C3: variants seen among roughly 807,000 people sequenced by gnomAD.
C3 encodes the protein complement C3.
In C3, 97 loss-of-function variants were observed where a neutral mutation model predicts 207.9. The ratio of observed to expected loss-of-function variants is 0.47; its 90% CI spans 0.40 to 0.55. The LOEUF (loss-of-function observed/expected upper bound fraction) is 0.55. Ranked by LOEUF, C3 falls within the 20% of genes least tolerant of loss-of-function variation. The pLI is 0.00. For missense variants in C3, 1,684 were observed against 2,171.7 expected, an observed-to-expected ratio of 0.78 and a Z score of 4.46; for synonymous variants, 848 against 857.6, an observed-to-expected ratio of 0.99 and a Z score of 0.20.
chr19:6,716,253 C>T (rs1968031746), intron 4 of C3: 1 of 152,264 alleles, frequency 6.6e-6, no homozygotes, highest in Non-Finnish European at 1.5e-5. Context: ...GGGTCTCACT[C>T]TGCCACCCAG....
intron 18 of C3, 63 bp downstream of exon 18, chr19:6,702,408 G>T: frequency 9.0e-7 from 1 of 1,117,250 alleles, no homozygotes; most frequent in Non-Finnish European, 1.4e-6. Context: ...AGAGATAGCA[G>T]GTGCATGCAA....
intron 4 of C3, 133 bp from the exon 5 acceptor site, chr19:6,714,579 C>T: frequency 1.4e-6 from 1 of 723,920 alleles, no homozygotes; most frequent in Non-Finnish European, 2.5e-6. Flanking sequence ...AACAGGGACC[C>T]AGGTGGGCGC....
intron 25 of C3, among the ~76,000 whole-genome samples, 161 bp from the exon 26 acceptor site, chr19:6,693,244 G>A (rs1035494094): frequency 6.6e-6 from 1 of 152,204 alleles, no homozygotes; most frequent in South Asian, 2.1e-4. Context: ...CCGTGCTTAA[G>A]GATGCTTAAT....
chr19:6,694,246 T>G lies in C3; in HGVS notation c.3154+185A>C, dbSNP rs11570240. 4.4e-3 allele frequency among the ~76,000 whole-genome samples: 635 copies of G among 143,918 alleles called. 28 individuals are homozygous for G. The highest frequency in any genetic ancestry group is 0.023 in the East Asian group (111 of 4,848). The allele number at this position is 143,918 out of a possible 152,430, so 94.4% of individuals were successfully genotyped here. ...GCGGGGTCTCATGAAAAGCCTGGCC[T>G]GGGAGGAGTCAGGGCCTCAGAGGGC... On this transcript the variant is annotated intron_variant, in intron 24 of 40. Transcript: ENST00000245907.
At position 6,710,788 on chromosome 19, in the gene C3, C is replaced by T. The variant is rs139744070; in HGVS notation, c.1537G>A (p.Asp513Asn). 1.8e-5 allele frequency: 29 copies of T among 1,613,928 alleles called. No individual in the cohort carries two copies. The African/African-American group carries it at 3.5e-4, about 19-fold the overall frequency. Residue 513 changes from aspartate to asparagine, a missense_variant, in exon 13 of 41, where the codon GAC becomes AAC. By Grantham distance (23) the Asp-to-Asn change is conservative. Around this residue, in one of 3 missense-constraint regions of C3, gnomAD observed 1,280 missense variants for 1,739.1 expected, o/e 0.74. Transcript: ENST00000245907. ...ATGGACAGGGGCAGCACCACCAGGTCCTGGCCGGGCTCTCGCACCTGGCGT... is the reference window on the plus strand; with the variant it reads ...ATGGACAGGGGCAGCACCACCAGGTTCTGGCCGGGCTCTCGCACCTGGCGT... ...AGRQVREPGQ[D>N]LVVLPLSITT... is the part of the protein sequence containing the mutation.
At chr19:6,680,051 C>A (rs546623622) in intron 36 of C3, 107 bp downstream of exon 36, 2 of 762,436 alleles carry the variant, frequency 2.6e-6, no homozygotes, top group African/African-American at 1.7e-5. Flanking sequence ...ATGCTCAAAT[C>A]CCTGGACTCC....
intron 36 of C3, among the ~76,000 whole-genome samples, chr19:6,679,853 C>T (rs967220725): frequency 6.6e-6 from 1 of 152,094 alleles, no homozygotes; most frequent in South Asian, 2.1e-4. Context: ...ACCCATCAGA[C>T]CCCCAAGTCT....
rs772034590 is a variant in C3 at position 6,681,973 on chromosome 19, C to T, written c.4318G>A (p.Asp1440Asn). The T allele has an allele frequency of 8.1e-6, 13 of 1,614,064 alleles. No individual in the cohort carries two copies. Among genetic ancestry groups the T allele is most frequent in the East Asian group, 2.2e-5 (1 of 44,870 alleles). Residue 1440 changes from aspartate to asparagine, a missense_variant, in exon 35 of 41, where the codon GAT (aspartate) becomes AAT (asparagine). Around this residue, in one of 3 missense-constraint regions of C3, gnomAD observed 346 missense variants for 380.1 expected, o/e 0.91. Transcript: ENST00000245907. The stretch of plus-strand genomic sequence containing the variant: ...AGGTAGATGATGAGGGTGTTCCTAT[C>T]GGAGAAGGCTTTGTCCAGCTCATAC... The part of the protein sequence containing the change: ...SKYELDKAFS[D>N]RNTLIIYLDK...
chr19:6,690,742 A>G lies in C3; in HGVS notation c.3391-15T>C. On this transcript the variant is annotated splice_polypyrimidine_tract_variant and intron_variant, in intron 26 of 40. Transcript: ENST00000245907. ...CGTAATCCACCCTGAGATAGAGAGC[A>G]GAAAGCAAGGATGGGGTCACCGGTG... 3.7e-6 allele frequency: 6 copies of G among 1,606,656 alleles called. No individual in the cohort carries two copies. Among genetic ancestry groups the G allele is most frequent in the Non-Finnish European group, 4.3e-6 (5 of 1,173,226 alleles).
chr19:6,719,213 TGAA>T lies in C3; in HGVS notation c.262_264del (p.Phe88del), dbSNP rs760970112. The stretch of plus-strand genomic sequence containing the variant: ...GTCCTGCGCCAGTCTGCACTCACCG[TGAA>T]GGTGACGTTGCCCATGTGGTTGGTG... On this transcript the variant is annotated inframe_deletion, in exon 2 of 41. Coordinates refer to ENST00000245907, the MANE Select transcript of C3 (RefSeq NM_000064.4). The surrounding 1 kb of genome is among the most constrained non-coding windows in gnomAD (Gnocchi z 5.4). 1 of 1,613,760 alleles carries T rather than the reference TGAA, an allele frequency of 6.2e-7. No individual in the cohort carries two copies. The highest frequency in any genetic ancestry group is 8.5e-7 in the Non-Finnish European group (1 of 1,179,836).
intron 27 of C3, 23 bp from the exon 28 acceptor site, chr19:6,686,925 C>A: frequency 6.2e-7 from 1 of 1,613,816 alleles, no homozygotes; most frequent in African/African-American, 1.3e-5. Context: ...GGATCAGATT[C>A]TCCGGTCATG....
chr19:6,707,939 G>A lies in C3; in HGVS notation c.1846-10C>T, dbSNP rs1375250853. On this transcript the variant is annotated splice_polypyrimidine_tract_variant and intron_variant, in intron 14 of 40. Coordinates refer to ENST00000245907, the MANE Select transcript of C3 (RefSeq NM_000064.4). ...CCACCACGTCCCAGATCTGCGGGGG[G>A]CATAGGGGTGGCGGGACGCAGGGAG... 6.2e-7 allele frequency: 1 copy of A among 1,613,472 alleles called. No individual in the cohort carries two copies. The highest frequency in any genetic ancestry group is 8.5e-7 in the Non-Finnish European group (1 of 1,179,974).
At position 6,710,798 on chromosome 19, in the gene C3, C is replaced by G. The variant is rs534897180; in HGVS notation, c.1527G>C (p.Glu509Asp). ...GCAGCACCACCAGGTCCTGGCCGGGCTCTCGCACCTGGCGTCCCGCCTTCA... is the reference window on the plus strand; with the variant it reads ...GCAGCACCACCAGGTCCTGGCCGGGGTCTCGCACCTGGCGTCCCGCCTTCA... ...RLLKAGRQVR[E>D]PGQDLVVLPL... Residue 509 changes from glutamate (E) to aspartate (D), a missense_variant, in exon 13 of 41, where the codon GAG becomes GAC. By Grantham distance (45) the Glu-to-Asp change is conservative. Transcript: ENST00000245907. The G allele has an allele frequency of 6.2e-7, 1 of 1,613,982 alleles. No homozygotes were observed. Among genetic ancestry groups the G allele is most frequent in the Non-Finnish European group, 8.5e-7 (1 of 1,180,028 alleles).
intron 19 of C3, among the ~76,000 whole-genome samples, chr19:6,700,530 G>GTA (rs1219075066): frequency 3.4e-5 from 1 of 29,680 alleles, no homozygotes; most frequent in Non-Finnish European, 4.7e-5. Flanking sequence ...TATGTAATAT[G>GTA]ATATATTATA....
rs34029609 is a variant in C3 at position 6,696,428 on chromosome 19, G to C, written c.2901C>G (p.Leu967=). ...ACTCGGTGTCCGGGACTTGGTCACT[G>C]AGGTCTGCAGGTGGGATGTCCTCTT... The part of the protein sequence containing the change: ...VQKEDIPPAD[L]SDQVPDTESE... The change falls in exon 23 of 41, where the codon CTC becomes CTG. Residue 967 remains leucine, a synonymous_variant. Transcript: ENST00000245907. 6.2e-7 allele frequency: 1 copy of C among 1,613,820 alleles called. No homozygotes were observed. The highest frequency in any genetic ancestry group is 8.5e-7 in the Non-Finnish European group (1 of 1,179,832).
Position 6,697,076 on chromosome 19 carries a change from A to ATAAATGAATAAAT in C3, c.2796+267_2796+268insATTTATTCATTTA, listed in dbSNP as rs71177114. ...AACAAACAAATAAATAAATAAATAA[A>ATAAATGAATAAAT]AAATTTCAAATCGAGTATAAAAAAA... On this transcript the variant is annotated intron_variant, in intron 21 of 40. Coordinates refer to ENST00000245907, the MANE Select transcript of C3 (RefSeq NM_000064.4). Among the ~76,000 whole-genome samples the ATAAATGAATAAAT allele has an allele frequency of 1.8e-5, 2 of 112,596 alleles. 1 individual carries two copies. Among genetic ancestry groups the ATAAATGAATAAAT allele is most frequent in the Non-Finnish European group, 4.0e-5 (2 of 50,138 alleles). 73.9% of individuals were successfully genotyped at this position (112,596 alleles called of 152,430 possible). A position where few individuals can be genotyped will look rare whatever the true frequency, so the allele number is the denominator to read the frequency against.
intron 11 of C3, among the ~76,000 whole-genome samples, chr19:6,711,443 G>A (rs1388476594): frequency 6.6e-6 from 1 of 152,166 alleles, no homozygotes; most frequent in Non-Finnish European, 1.5e-5. Context: ...AGAGACACTG[G>A]AAGATGCTAT....
At chr19:6,686,023 TGAA>T in intron 29 of C3, 98 bp downstream of exon 29, 1 of 1,212,760 alleles carries the variant, frequency 8.2e-7, no homozygotes, top group Non-Finnish European at 1.2e-6. Context: ...CTCGTGGGAA[TGAA>T]GAACTGCCTC....
At chr19:6,697,989 TTTATTATTATTATTATTA>T (rs146892701) in intron 19 of C3, among the ~76,000 whole-genome samples, 195 bp from the exon 20 acceptor site, 37 of 61,216 alleles carry the variant, frequency 6.0e-4, no homozygotes, top group Middle Eastern at 9.3e-3. Context: ...GTTACCATTA[TTTATTATTATTATTATTA>T]TTATTATTAT....
Sources: allele counts gnomAD v4.1 joint callset (sites outside exome capture counted in the v4.1 genomes callset), GRCh38; gene constraint gnomAD v4.1.1; regional missense constraint gnomAD v4.1.1; non-coding constraint Gnocchi (gnomAD v3.1); transcripts MANE v1.5; gene names NCBI Gene and HGNC (gene_info 2026-07-23, HGNC 2026-07-21).